LPIN1: variants seen among roughly 807,000 people sequenced by gnomAD.
LPIN1 encodes lipin 1, also known as phosphatidate phosphatase LPIN1.
LPIN1 carries 71 observed loss-of-function variants against 107.5 expected under a neutral mutation model. The observed-to-expected ratio is 0.66, with a 90% CI of 0.55 to 0.80. LPIN1 has a LOEUF of 0.80. Ranked by LOEUF, LPIN1 falls within the 30% of genes least tolerant of loss-of-function variation. The probability of loss-of-function intolerance (pLI) is 0.00; values close to 1 mark genes in which losing one functional copy is unlikely to be tolerated. For synonymous variants in LPIN1, 445 were observed against 452.6 expected (o/e 0.98, Z 0.21); for missense variants, 1,043 against 1,160.6 (o/e 0.90, Z 1.47).
upstream of LPIN1, among the ~76,000 whole-genome samples, chr2:11,742,471 C>T (rs1441114655): frequency 6.6e-6 from 1 of 152,144 alleles, no homozygotes; most frequent in Non-Finnish European, 1.5e-5. Flanking sequence ...GCTGTGACAG[C>T]CCCACACTTG....
rs1192340711 is a variant in LPIN1, at chr2:11,677,715, C to T, written c.68C>T (p.Ser23Leu). Residue 23 changes from serine to leucine, a missense_variant, in exon 1 of 22, where the codon TCG (serine) becomes TTG (leucine). By Grantham distance (145) the Ser-to-Leu change is moderately radical (BLOSUM62 -2). Transcript: ENST00000449576. ...TCGCAGGGCAAGAGCTCCCCAGACT[C>T]GGCTTGGTCATGGGTAAGGGCCGGC... The T allele has an allele frequency of 5.3e-5, 82 of 1,535,598 alleles. No individual in the cohort carries two copies. The East Asian group carries it at 6.4e-4, about 12-fold the overall frequency.
At chr2:11,742,138 G>A (rs1039976554), upstream of LPIN1, 1 of 152,072 alleles carries the variant, frequency 6.6e-6, no homozygotes, top group Admixed American at 6.5e-5. Context: ...CCTAGACTTC[G>A]TGCACCTGAC....
intron 1 of LPIN1, chr2:11,713,640 G>A (rs1424553457): frequency 3.3e-6 from 2 of 614,544 alleles, no homozygotes; most frequent in Non-Finnish European, 5.7e-6. Flanking sequence ...AATTCACCAT[G>A]TTCAAAATGT....
At position 11,773,681 on chromosome 2, in the gene LPIN1, G is replaced by A; in HGVS notation, c.658G>A (p.Ala220Thr). 1.9e-6 allele frequency: 3 copies of A among 1,612,928 alleles called. No individual in the cohort carries two copies. The highest frequency in any genetic ancestry group is 2.7e-5 in the African/African-American group (2 of 74,878). ...TATTCCTGAGGAAAACCTCTCCCTG[G>A]CTGTGATTTACCCTCAGTCAGCCTC... ...DDIPEENLSLAVIYPQSASYP... is the reference protein window; with the variant it reads ...DDIPEENLSLTVIYPQSASYP... Residue 220 changes from alanine (A) to threonine (T), a missense_variant, in exon 5 of 21, where the codon GCT becomes ACT. Ala to Thr is a moderately conservative substitution (Grantham distance 58). Transcript: ENST00000674199.
chr2:11,824,590 T>C, intron 20 of LPIN1, 42 bp from the exon 21 acceptor site: 1 of 1,610,814 alleles, frequency 6.2e-7, no homozygotes, highest in South Asian at 1.1e-5. Context: ...GGTGCATAGC[T>C]GGTATCGCTC....
At position 11,788,398 on chromosome 2, in the gene LPIN1, G is replaced by A. The variant is rs775121925; in HGVS notation, c.1655G>A (p.Trp552Ter). Residue 552 changes from tryptophan (W) to a stop codon, truncating the protein, a stop_gained, in exon 12 of 21, where the codon TGG becomes TAG. Transcript: ENST00000674199. LOFTEE classifies it high-confidence loss of function. ...VVKIGSKYYN[W>*]TTAAPLLLAM... The stretch of plus-strand genomic sequence containing the variant: ...TTGTTTTGTGTTAGATATTATAACT[G>A]GACAACAGCAGCACCCCTCCTCCTG... 1 of 1,613,392 alleles carries A rather than the reference G, an allele frequency of 6.2e-7. No homozygotes were observed. The highest frequency in any genetic ancestry group is 1.3e-5 in the African/African-American group (1 of 75,008).
chr2:11,780,317 C>T (rs1439152866), intron 7 of LPIN1, among the ~76,000 whole-genome samples: 1 of 152,138 alleles, frequency 6.6e-6, no homozygotes, highest in Admixed American at 6.5e-5. Context: ...ATGAGTGGAG[C>T]AAAGCCACAG....
At chr2:11,798,904 C>T (rs1378900095) in intron 14 of LPIN1, among the ~76,000 whole-genome samples, 1 of 152,144 alleles carries the variant, frequency 6.6e-6, no homozygotes, top group Admixed American at 6.5e-5. Context: ...GTTTGAAAAA[C>T]GTACACTGAC....
intron 1 of LPIN1, among the ~76,000 whole-genome samples, chr2:11,759,472 CAT>C (rs1173034119): frequency 1.3e-5 from 2 of 152,164 alleles, no homozygotes; most frequent in Non-Finnish European, 2.9e-5. Context: ...GGACACAGCA[CAT>C]GTTTCATGGA....
chr2:11,715,307 G>A (rs1044951636), intron 2 of LPIN1, among the ~76,000 whole-genome samples: 2 of 152,210 alleles, frequency 1.3e-5, no homozygotes, highest in Admixed American at 1.3e-4. Context: ...GGCAGGTAAG[G>A]AAAGGCAATC....
chr2:11,800,125 G>A (rs1331609530), intron 14 of LPIN1, among the ~76,000 whole-genome samples: 5 of 152,346 alleles, frequency 3.3e-5, no homozygotes, highest in African/African-American at 1.2e-4. Flanking sequence ...TTAGACACAA[G>A]CCCTGCGTGA....
chr2:11,720,315 T>G (rs1664036511), upstream of LPIN1, among the ~76,000 whole-genome samples: 1 of 152,116 alleles, frequency 6.6e-6, no homozygotes. Flanking sequence ...ATTTAAAAAT[T>G]TTTGTTGAGC....
rs184698768 is a variant in LPIN1 at position 11,820,388 on chromosome 2, T to C, written c.2518-23T>C. 1,022 of 1,475,078 alleles carry C rather than the reference T, an allele frequency of 6.9e-4. 5 individuals carry two copies. The East Asian group carries it at 0.015, about 21-fold the overall frequency. 91.4% of individuals were successfully genotyped at this position (1,475,078 alleles called of 1,614,324 possible). ...ATGAACTCTTTTCTAATGAACACTT[T>C]AAATCACCTTTACCAAATATAGGAT... is the stretch of plus-strand genomic sequence containing the variant. On this transcript the variant is annotated intron_variant, in intron 19 of 20. Coordinates refer to ENST00000674199, the MANE Select transcript of LPIN1 (RefSeq NM_001349206.2).
At chr2:11,704,504 T>C (rs1339117735) in intron 1 of LPIN1, among the ~76,000 whole-genome samples, 5 of 152,066 alleles carry the variant, frequency 3.3e-5, no homozygotes, top group African/African-American at 1.2e-4. Context: ...TGGGCAGAGA[T>C]TTCTATTCTG....
At chr2:11,785,129 AG>A (rs1674317968) in intron 10 of LPIN1, 53 bp downstream of exon 10, 3 of 1,401,116 alleles carry the variant, frequency 2.1e-6, no homozygotes, top group Admixed American at 2.4e-5. Context: ...CAGAAGGCGC[AG>A]AGGCTTAGGC....
chr2:11,786,764 A>G lies in LPIN1; in HGVS notation c.1550-310A>G, dbSNP rs1216755516. On this transcript the variant is annotated intron_variant, in intron 10 of 20. Transcript: ENST00000674199. This position sits in a 1 kb window ranked among gnomAD's most constrained non-coding sequence, Gnocchi z 4.1. ...GGCTTCTGCGCCATGCGTAGCCATGACTCTGCCTGTGCAGATGCACGTGTG... is the reference window on the plus strand; with the variant it reads ...GGCTTCTGCGCCATGCGTAGCCATGGCTCTGCCTGTGCAGATGCACGTGTG... Among the ~76,000 whole-genome samples, 1 of 152,170 alleles carries G rather than the reference A, an allele frequency of 6.6e-6. No homozygotes were observed. Among genetic ancestry groups the G allele is most frequent in the African/African-American group, 2.4e-5 (1 of 41,432 alleles).
intron 1 of LPIN1, among the ~76,000 whole-genome samples, chr2:11,699,441 G>A (rs750045063): frequency 6.6e-6 from 1 of 152,098 alleles, no homozygotes; most frequent in Admixed American, 6.5e-5. Context: ...GAGTCCCTGG[G>A]GGGGGCGTGC....
At chr2:11,814,120 C>T (rs1357784587) in intron 17 of LPIN1, among the ~76,000 whole-genome samples, 1 of 152,038 alleles carries the variant, frequency 6.6e-6, no homozygotes, top group African/African-American at 2.4e-5. Flanking sequence ...GCTGGCAGAG[C>T]TGATGGGAGC....
At chr2:11,719,557 C>A (rs75750358), upstream of LPIN1, among the ~76,000 whole-genome samples, 337 of 152,328 alleles carry the variant, frequency 2.2e-3, 1 homozygote, top group African/African-American at 7.4e-3. Flanking sequence ...AGATGCCCCT[C>A]CTGTTCTTTA....
Sources: gnomAD v4.1 joint callset for allele counts (sites outside exome capture counted in the v4.1 genomes callset) on GRCh38, gnomAD v4.1.1 for gene constraint, Gnocchi (gnomAD v3.1) non-coding constraint, MANE v1.5 for transcripts, NCBI Gene and HGNC (gene_info 2026-07-23, HGNC 2026-07-21) for gene names.